LYN: variants seen among roughly 807,000 people sequenced by gnomAD.
LYN encodes LYN proto-oncogene, Src family tyrosine kinase, also known as tyrosine-protein kinase Lyn.
In LYN, 12 loss-of-function variants were observed where a neutral mutation model predicts 65.0. The ratio of observed to expected loss-of-function variants is 0.18; its 90% CI spans 0.12 to 0.30. LYN has a LOEUF of 0.30. Among genes scored for constraint, LYN ranks in the 10% least tolerant of loss-of-function variants. The pLI, the probability that LYN is intolerant of heterozygous loss-of-function variation, is 1.00. For missense variants in LYN, 380 were observed against 623.2 expected, an observed-to-expected ratio of 0.61 and a Z score of 4.16; for synonymous variants, 222 against 221.2, an observed-to-expected ratio of 1.00 and a Z score of -0.03.
At chr8:55,883,086 T>C (rs1002104135) in intron 1 of LYN, among the ~76,000 whole-genome samples, 5 of 152,228 alleles carry the variant, frequency 3.3e-5, no homozygotes, top group African/African-American at 9.6e-5. Flanking sequence ...GACAAAATCA[T>C]CTGACACAAA....
intron 1 of LYN, among the ~76,000 whole-genome samples, chr8:55,903,235 CG>C (rs1805326326): frequency 6.6e-6 from 1 of 152,172 alleles, no homozygotes; most frequent in Non-Finnish European, 1.5e-5. Flanking sequence ...TCAAGTGATT[CG>C]CCCACCTCAG....
At chr8:55,975,711 A>T (rs1216097219) in intron 10 of LYN, among the ~76,000 whole-genome samples, 1 of 152,132 alleles carries the variant, frequency 6.6e-6, no homozygotes, top group Non-Finnish European at 1.5e-5. Flanking sequence ...AGTTACTGTC[A>T]GAATTGCAAA....
chr8:55,956,844 T>G (rs939360587), intron 8 of LYN, among the ~76,000 whole-genome samples: 1 of 152,212 alleles, frequency 6.6e-6, no homozygotes, highest in Admixed American at 6.5e-5. Context: ...TTAGTCCATC[T>G]GAGTACTTAC....
chr8:55,920,574 A>T lies in LYN; in HGVS notation c.-5-21281A>T, dbSNP rs536532890. Among the ~76,000 whole-genome samples the T allele has an allele frequency of 1.3e-3, 205 of 152,326 alleles. 2 individuals carry two copies. Among genetic ancestry groups the T allele is most frequent in the African/African-American group, 4.6e-3 (192 of 41,560 alleles). On this transcript the variant is annotated intron_variant, in intron 1 of 12. Transcript: ENST00000519728. Reference sequence around the variant, plus strand: ...TCACAGATGAGGAAAATGAAGTTTAATGAAGTAACTTGCTTATGTTTATAT... The same window carrying T: ...TCACAGATGAGGAAAATGAAGTTTATTGAAGTAACTTGCTTATGTTTATAT...
At chr8:55,950,930 C>T in intron 6 of LYN, 146 bp downstream of exon 6, 1 of 633,502 alleles carries the variant, frequency 1.6e-6, no homozygotes, top group Non-Finnish European at 2.8e-6. Context: ...TAACAAACCT[C>T]AGTGATTAGT....
intron 10 of LYN, among the ~76,000 whole-genome samples, chr8:55,992,612 G>T (rs976096362): frequency 6.6e-6 from 1 of 152,172 alleles, no homozygotes; most frequent in Non-Finnish European, 1.5e-5. Flanking sequence ...CAGTCTACCT[G>T]TGAGGTTGCT....
rs1327175388 is a variant in LYN, at chr8:56,013,258, TTCTCGCTC to T, written c.*3153_*3160del. The T allele has an allele frequency of 6.8e-6, 1 of 147,534 alleles. No homozygotes were observed. Among genetic ancestry groups the T allele is most frequent in the East Asian group, 1.9e-4 (1 of 5,186 alleles). The allele number at this position is 147,534 out of a possible 1,614,324, so 9.1% of individuals were successfully genotyped here. ...TCCACGTCAGCTTGTGGAGTCTGCT[TTCTCGCTC>T]TCTCTTTTTTTTTTTTTTTTGACAG... On this transcript the variant is annotated 3_prime_UTR_variant, in exon 13 of 13. Transcript: ENST00000519728.
At chr8:55,912,500 G>A (rs575603631) in intron 1 of LYN, among the ~76,000 whole-genome samples, 9 of 152,220 alleles carry the variant, frequency 5.9e-5, no homozygotes, top group South Asian at 2.1e-4. Context: ...CGAGGCAAGC[G>A]GATCACCTGA....
chr8:55,903,580 T>C (rs1473568854), intron 1 of LYN, among the ~76,000 whole-genome samples: 1 of 152,246 alleles, frequency 6.6e-6, no homozygotes, highest in Non-Finnish European at 1.5e-5. Flanking sequence ...AATCATTTCC[T>C]GGAAGGATAT....
At chr8:55,979,048 T>C in intron 10 of LYN, among the ~76,000 whole-genome samples, 1 of 123,762 alleles carries the variant, frequency 8.1e-6, no homozygotes, top group Non-Finnish European at 1.6e-5. Context: ...GCACTTCTCA[T>C]TCTTTTTTTT....
intron 1 of LYN, among the ~76,000 whole-genome samples, chr8:55,941,350 G>C (rs1348880425): frequency 6.6e-6 from 1 of 152,152 alleles, no homozygotes; most frequent in Non-Finnish European, 1.5e-5. Flanking sequence ...CTCATTTTCT[G>C]AAGAGATTAG....
intron 1 of LYN, among the ~76,000 whole-genome samples, chr8:55,918,747 T>G (rs2130427538): frequency 6.6e-6 from 1 of 152,226 alleles, no homozygotes; most frequent in African/African-American, 2.4e-5. Context: ...TCAGGCTCAG[T>G]GTATGCCCAC....
intron 1 of LYN, among the ~76,000 whole-genome samples, chr8:55,898,622 A>G (rs1231854859): frequency 9.2e-5 from 14 of 152,184 alleles, no homozygotes; most frequent in Non-Finnish European, 2.1e-4. Flanking sequence ...TAATTCACAT[A>G]TTGTATAATT....
At position 56,002,581 on chromosome 8, in the gene LYN, G is replaced by T. The variant is rs371239899; in HGVS notation, c.1336+3032G>T. ...TGCACCACTGCAGTCTAGCCTGAGC[G>T]ACAGGAAGGAGACTCCATCTCAAAA... On this transcript the variant is annotated intron_variant, in intron 12 of 12. Transcript: ENST00000519728. 1.4e-4 allele frequency among the ~76,000 whole-genome samples: 21 copies of T among 150,474 alleles called. No homozygotes were observed. The East Asian group carries it at 1.5e-3, about 11-fold the overall frequency.
chr8:56,006,285 C>T (rs991904311), intron 12 of LYN, among the ~76,000 whole-genome samples: 2 of 152,144 alleles, frequency 1.3e-5, no homozygotes, highest in African/African-American at 4.8e-5. Context: ...AAACACTCAC[C>T]TTGGTCACAA....
At chr8:55,954,747 A>T (rs772500686) in intron 8 of LYN, among the ~76,000 whole-genome samples, 1 of 152,046 alleles carries the variant, frequency 6.6e-6, no homozygotes, top group Admixed American at 6.6e-5. Flanking sequence ...AGGTGGGAGG[A>T]TCACTTAAGC....
intron 1 of LYN, among the ~76,000 whole-genome samples, chr8:55,922,523 C>T (rs1378601981): frequency 6.6e-6 from 1 of 151,954 alleles, no homozygotes; most frequent in African/African-American, 2.4e-5. Flanking sequence ...GCCTATAATC[C>T]CAGCACTTTG....
In LYN at chr8:55,942,081, A is replaced by G; in HGVS notation, c.132+90A>G. Reference sequence around the variant, plus strand: ...CACCAGTCTGTAATATGTGCATGCAAAAAAATTCCATTGATTACTTGGTCC... The same window carrying G: ...CACCAGTCTGTAATATGTGCATGCAGAAAAATTCCATTGATTACTTGGTCC... On this transcript the variant is annotated intron_variant, in intron 2 of 12. Transcript: ENST00000519728. The G allele has an allele frequency of 3.0e-6, 4 of 1,335,090 alleles. No individual in the cohort carries two copies. In the Admixed American group the frequency reaches 9.2e-5, roughly 31 times the overall value. 82.7% of individuals were successfully genotyped at this position (1,335,090 alleles called of 1,614,324 possible). A position where few individuals can be genotyped will look rare whatever the true frequency, so the allele number is the denominator to read the frequency against.
chr8:55,936,157 A>C (rs867329639), intron 1 of LYN, among the ~76,000 whole-genome samples: 1 of 151,872 alleles, frequency 6.6e-6, no homozygotes, highest in African/African-American at 2.4e-5. Context: ...CCTATAAATG[A>C]TGCTTGAACC....
Sources: allele counts gnomAD v4.1 joint callset (sites outside exome capture counted in the v4.1 genomes callset), GRCh38; gene constraint gnomAD v4.1.1; transcripts MANE v1.5; gene names NCBI Gene and HGNC (gene_info 2026-07-23, HGNC 2026-07-21).